Variants in EML6 observed in about 807,000 individuals in gnomAD.
EML6 encodes echinoderm microtubule-associated protein-like 6.
In EML6, 154 loss-of-function variants were observed where a neutral mutation model predicts 240.1. The ratio of observed to expected loss-of-function variants is 0.64; its 90% CI spans 0.56 to 0.73. EML6 has a LOEUF of 0.73. Among genes scored for constraint, EML6 ranks in the 30% least tolerant of loss-of-function variants. EML6 has a pLI of 0.00. For missense variants in EML6, 2,964 were observed against 2,474.6 expected (o/e 1.20, Z -4.20); for synonymous variants, 1,148 against 899.0 (o/e 1.28, Z -4.95).
chr2:54,814,692 A>G (rs1336515775), intron 3 of EML6, among the ~76,000 whole-genome samples: 1 of 152,248 alleles, frequency 6.6e-6, no homozygotes, highest in Admixed American at 6.5e-5. Flanking sequence ...TCAGTGGATT[A>G]TAGGAGTTGA....
intron 24 of EML6, 32 bp downstream of exon 24, chr2:54,903,534 T>G: frequency 6.6e-7 from 1 of 1,525,328 alleles, no homozygotes. Flanking sequence ...AAAATAGAAT[T>G]TCTGTGTTTA....
At chr2:54,889,911 A>G (rs1280394214) in intron 17 of EML6, among the ~76,000 whole-genome samples, 1 of 152,254 alleles carries the variant, frequency 6.6e-6, no homozygotes, top group Non-Finnish European at 1.5e-5. Flanking sequence ...AGTGTGTTCT[A>G]TCTTTAAAGA....
At chr2:54,727,958 T>C (rs1006838968) in intron 2 of EML6, among the ~76,000 whole-genome samples, 6 of 152,230 alleles carry the variant, frequency 3.9e-5, no homozygotes, top group African/African-American at 1.4e-4. Flanking sequence ...GCTCAGCATA[T>C]GTGTCCTTCT....
At chr2:54,910,245 A>G (rs1312717338) in intron 24 of EML6, among the ~76,000 whole-genome samples, 2 of 152,242 alleles carry the variant, frequency 1.3e-5, no homozygotes, top group Admixed American at 6.5e-5. Context: ...AAAATACTGG[A>G]ACATAAATAC....
In EML6 at chr2:54,960,222, C is replaced by T; in HGVS notation, c.4856C>T (p.Thr1619Ile). The change falls in exon 35 of 42, where the codon ACC becomes ATC. Residue 1619 changes from threonine to isoleucine, a missense_variant and splice_region_variant. By Grantham distance (89) the Thr-to-Ile change is moderately conservative (BLOSUM62 -1). Coordinates refer to ENST00000356458, the MANE Select transcript of EML6 (RefSeq NM_001039753.4). ...LIVTGGKERPTKEGGAVKLWD... is the reference protein window; with the variant it reads ...LIVTGGKERPIKEGGAVKLWD... ...GAGTCCCTTTCAATCTTTTTTAGGA[C>T]CAAAGAAGGAGGTGCTGTAAAATTG... The T allele has an allele frequency of 6.5e-7, 1 of 1,550,068 alleles. No individual in the cohort carries two copies. The highest frequency in any genetic ancestry group is 8.7e-7 in the Non-Finnish European group (1 of 1,145,704).
rs745623400 is a variant in EML6, at chr2:54,899,712, T to C, written c.3054T>C (p.Asp1018=). ...TGCCCATCTGTGCAACAGTGAGCGA[T>C]GATAAAACACTTCGCATCTGGGAAC... ...PLLPICATVS[D]DKTLRIWELS... The change falls in exon 22 of 42, where the codon GAT becomes GAC. Residue 1018 remains aspartate, a synonymous_variant. Transcript: ENST00000356458. The C allele has an allele frequency of 3.9e-6, 6 of 1,552,350 alleles. No homozygotes were observed. Among genetic ancestry groups the C allele is most frequent in the South Asian group, 1.2e-5 (1 of 84,092 alleles).
chr2:54,899,770 A>T lies in EML6; in HGVS notation c.3112A>T (p.Lys1038Ter). 6.4e-7 allele frequency: 1 copy of T among 1,551,158 alleles called. No individual in the cohort carries two copies. The highest frequency in any genetic ancestry group is 8.7e-7 in the Non-Finnish European group (1 of 1,146,714). The change falls in exon 22 of 42, where the codon AAA becomes TAA. Residue 1038 changes from lysine to a stop codon, truncating the protein, a stop_gained. Transcript: ENST00000356458. LOFTEE classifies it high-confidence loss of function. ...SAQHRMLAVR[K>*]LKKGGRCCAF... The stretch of plus-strand genomic sequence containing the variant: ...CCAGCACCGTATGCTGGCAGTACGG[A>T]AACTCAAAAAAGGTACATAACACCA...
rs115207788 is a variant in EML6 at position 54,941,447 on chromosome 2, G to A, written c.4005-7435G>A. ...CTGTGCTCCCAGCTCCTTCCTCAGC[G>A]TAGCCGGACAGAGGCCCTTTGTTGT... On this transcript the variant is annotated intron_variant, in intron 28 of 41. Transcript: ENST00000356458. 4.5e-3 allele frequency among the ~76,000 whole-genome samples: 691 copies of A among 152,312 alleles called. 1 individual carries two copies. The highest frequency in any genetic ancestry group is 0.014 in the Middle Eastern group (4 of 294).
intron 41 of EML6, among the ~76,000 whole-genome samples, chr2:54,969,528 G>A (rs1676899019): frequency 6.6e-6 from 1 of 152,190 alleles, no homozygotes; most frequent in Non-Finnish European, 1.5e-5. Flanking sequence ...GCAGCTCCCT[G>A]TGAAGTGCTA....
intron 2 of EML6, among the ~76,000 whole-genome samples, chr2:54,758,921 C>CATAGGTGGTTA (rs6146771): frequency 6.6e-6 from 1 of 151,440 alleles, no homozygotes; most frequent in African/African-American, 2.4e-5. Context: ...ATGGGTGGTT[C>CATAGGTGGTTA]ATAAGTTGCC....
rs869107962 is a variant in EML6, at chr2:54,886,160, C to CT, written c.2439-4874dup. On this transcript the variant is annotated intron_variant, in intron 17 of 41. Transcript: ENST00000356458. ...TTTCCTTTTTTTTTTTTTTAACCTTCTTTTTTTTTTTTTTTTTTTTCTTGA... is the reference window on the plus strand; with the variant it reads ...TTTCCTTTTTTTTTTTTTTAACCTTCTTTTTTTTTTTTTTTTTTTTTCTTGA... Among the ~76,000 whole-genome samples, 563 of 82,206 alleles carry CT rather than the reference C, an allele frequency of 6.8e-3. 9 individuals are homozygous for CT. Among genetic ancestry groups the CT allele is most frequent in the African/African-American group, 0.015 (342 of 23,508 alleles). 53.9% of individuals were successfully genotyped at this position (82,206 alleles called of 152,430 possible).
chr2:54,889,277 T>G (rs1411909388), intron 17 of EML6, among the ~76,000 whole-genome samples: 1 of 152,026 alleles, frequency 6.6e-6, no homozygotes, highest in Non-Finnish European at 1.5e-5. Context: ...TCATTCCTGC[T>G]GGCTTATTCT....
chr2:54,957,772 A>G lies in EML6; in HGVS notation c.4487-18A>G, dbSNP rs1676299676. On this transcript the variant is annotated intron_variant, in intron 32 of 41. Transcript: ENST00000356458. ...ATGAAGCAATGAGGAGCCTCACTGGACTCTGTCACCCACACAGGTGCCAAG... is the reference window on the plus strand; with the variant it reads ...ATGAAGCAATGAGGAGCCTCACTGGGCTCTGTCACCCACACAGGTGCCAAG... 1.3e-6 allele frequency: 2 copies of G among 1,548,920 alleles called. No homozygotes were observed. The highest frequency in any genetic ancestry group is 2.4e-5 in the East Asian group (1 of 40,888).
chr2:54,734,927 A>G (rs1016476171), intron 2 of EML6, among the ~76,000 whole-genome samples: 8 of 152,192 alleles, frequency 5.3e-5, no homozygotes, highest in African/African-American at 7.2e-5. Context: ...TCCACGGTCT[A>G]TTATGATCTT....
At chr2:54,799,520 A>G (rs758831975) in intron 2 of EML6, among the ~76,000 whole-genome samples, 1 of 151,750 alleles carries the variant, frequency 6.6e-6, no homozygotes, top group Non-Finnish European at 1.5e-5. Context: ...TAATTTTTGT[A>G]TTTTTAGTAG....
intron 2 of EML6, among the ~76,000 whole-genome samples, chr2:54,757,281 G>A (rs893494543): frequency 1.3e-5 from 2 of 152,142 alleles, no homozygotes; most frequent in South Asian, 4.1e-4. Context: ...GTATTTAAGA[G>A]CAAGACCCCT....
chr2:54,829,273 A>G (rs1668746313), intron 6 of EML6, 69 bp from the exon 7 acceptor site: 13 of 1,422,568 alleles, frequency 9.1e-6, no homozygotes, highest in African/African-American at 1.4e-5. Context: ...TTAAATCAAC[A>G]TTCAACTGTA....
At chr2:54,848,286 A>T (rs956306672) in intron 9 of EML6, among the ~76,000 whole-genome samples, 10 of 152,226 alleles carry the variant, frequency 6.6e-5, no homozygotes, top group Non-Finnish European at 1.5e-4. Flanking sequence ...CATGTTTTGT[A>T]ATTATAGAAA....
intron 2 of EML6, among the ~76,000 whole-genome samples, chr2:54,793,319 C>G (rs545046075): frequency 2.0e-5 from 3 of 147,958 alleles, no homozygotes; most frequent in African/African-American, 7.5e-5. Context: ...GGAGGAGAAC[C>G]AAGTCATAAA....
Sources: gnomAD v4.1 joint callset for allele counts (sites outside exome capture counted in the v4.1 genomes callset) on GRCh38, gnomAD v4.1.1 for gene constraint, MANE v1.5 for transcripts, NCBI Gene and HGNC (gene_info 2026-07-23, HGNC 2026-07-21) for gene names.